ELOVL2: variants seen among roughly 807,000 people sequenced by gnomAD.
ELOVL2 encodes ELOVL fatty acid elongase 2.
In ELOVL2, 38 loss-of-function variants were observed where a neutral mutation model predicts 37.7. The ratio of observed to expected loss-of-function variants is 1.01; its 90% CI spans 0.78 to 1.32. The LOEUF is 1.32. ELOVL2 is among the 40% of genes most tolerant of loss of function. The pLI is 0.00. For missense variants in ELOVL2, 352 were observed against 363.6 expected (o/e 0.97, Z 0.26); for synonymous variants, 115 against 122.3 (o/e 0.94, Z 0.40).
rs865910414 is a variant in ELOVL2, at chr6:11,035,972, G to A, written c.3+8256C>T. On this transcript the variant is annotated intron_variant, in intron 1 of 7. Transcript: ENST00000354666. Reference sequence around the variant, plus strand: ...GAGGCAATGTATTTGCATGTCTCGAGAGCAATTTTAAAGAATATGTATTCA... The same window carrying A: ...GAGGCAATGTATTTGCATGTCTCGAAAGCAATTTTAAAGAATATGTATTCA... Among the ~76,000 whole-genome samples the A allele has an allele frequency of 7.9e-5, 12 of 152,300 alleles. 1 individual carries two copies. In the Middle Eastern group the frequency reaches 0.017, roughly 216 times the overall value.
chr6:11,010,962 A>G (rs1389629889), intron 1 of ELOVL2, among the ~76,000 whole-genome samples, 153 bp from the exon 2 acceptor site: 1 of 152,246 alleles, frequency 6.6e-6, no homozygotes, highest in Non-Finnish European at 1.5e-5. Context: ...GAAAGAGGAC[A>G]GTAAATGCAT....
At chr6:11,043,701 G>C (rs1200450775) in intron 1 of ELOVL2, 2 of 154,788 alleles carry the variant, frequency 1.3e-5, no homozygotes, top group Non-Finnish European at 2.9e-5. Context: ...GCGCGGTGAA[G>C]GGAGGAGAGG....
chr6:11,011,167 A>G (rs1782572744), intron 1 of ELOVL2, among the ~76,000 whole-genome samples: 1 of 152,104 alleles, frequency 6.6e-6, no homozygotes, highest in Non-Finnish European at 1.5e-5. Flanking sequence ...GATCGAGACC[A>G]TCCTGGCTAA....
intron 3 of ELOVL2, among the ~76,000 whole-genome samples, chr6:11,002,966 G>A (rs547867390): frequency 7.7e-4 from 118 of 152,302 alleles, no homozygotes; most frequent in Admixed American, 2.6e-3. Context: ...TTATAGATAA[G>A]TTGCCTAAGG....
In ELOVL2 at chr6:10,983,868, C is replaced by T. The variant is rs149258164; in HGVS notation, c.804G>A (p.Glu268=). The part of the protein sequence containing the change: ...RKKPMKKDMQ[E]PPAGKEVKNG... ...TCTTCACTTCTTTCCCTGCAGGTGGCTCTTGCATATCTTTCTTCATTGGCT... is the reference window on the plus strand; with the variant it reads ...TCTTCACTTCTTTCCCTGCAGGTGGTTCTTGCATATCTTTCTTCATTGGCT... Residue 268 remains glutamate (E), a synonymous_variant, in exon 8 of 8, where the codon GAG becomes GAA. Transcript: ENST00000354666. The T allele has an allele frequency of 4.6e-3, 7,358 of 1,613,804 alleles. 32 individuals carry two copies. The highest frequency in any genetic ancestry group is 6.3e-3 in the Admixed American group (380 of 59,966).
At chr6:11,036,201 G>A (rs1042043682) in intron 1 of ELOVL2, among the ~76,000 whole-genome samples, 1 of 152,216 alleles carries the variant, frequency 6.6e-6, no homozygotes, top group African/African-American at 2.4e-5. Flanking sequence ...TCATTTATGA[G>A]ATAGTAAACC....
chr6:10,994,536 G>GT (rs1782229447), intron 5 of ELOVL2, among the ~76,000 whole-genome samples: 1 of 151,280 alleles, frequency 6.6e-6, no homozygotes, highest in Non-Finnish European at 1.5e-5. Flanking sequence ...ATTTCTTATT[G>GT]TAATTCTGTT....
chr6:10,994,984 G>C (rs202213512), intron 5 of ELOVL2, 23 bp downstream of exon 5: 8 of 1,561,410 alleles, frequency 5.1e-6, no homozygotes, highest in Non-Finnish European at 8.7e-7. Flanking sequence ...CCTCAAAACG[G>C]AAAAATTAAC....
intron 2 of ELOVL2, among the ~76,000 whole-genome samples, chr6:11,006,809 A>G (rs1782490883): frequency 6.6e-6 from 1 of 152,238 alleles, no homozygotes; most frequent in Non-Finnish European, 1.5e-5. Flanking sequence ...ACCTGTCATA[A>G]GTCTGTGCTG....
At chr6:11,027,024 T>C (rs1332431497) in intron 1 of ELOVL2, among the ~76,000 whole-genome samples, 1 of 152,226 alleles carries the variant, frequency 6.6e-6, no homozygotes, top group Non-Finnish European at 1.5e-5. Context: ...GTAATCACCA[T>C]GTTTTTCGAT....
intron 1 of ELOVL2, among the ~76,000 whole-genome samples, chr6:11,025,217 C>T (rs1782822375): frequency 6.6e-6 from 1 of 152,138 alleles, no homozygotes; most frequent in Non-Finnish European, 1.5e-5. Context: ...CTCGGGTTCC[C>T]ACTCTCCATC....
In ELOVL2 at chr6:10,989,798, C is replaced by G; in HGVS notation, c.670G>C (p.Val224Leu). Residue 224 changes from valine to leucine, a missense_variant, in exon 7 of 8, where the codon GTC becomes CTC. Physicochemically the swap from Val to Leu is conservative, Grantham distance 32. Coordinates refer to ENST00000354666, the MANE Select transcript of ELOVL2 (RefSeq NM_017770.4). The part of the protein sequence containing the change: ...VLTITHTMSA[V>L]VKPCGFPFGC... ...AAGGGGAAGCCACACGGTTTCACGA[C>G]GGCGCTCATGGTGTGCGTGATGGTG... The G allele has an allele frequency of 1.2e-6, 2 of 1,614,044 alleles. No individual in the cohort carries two copies. Among genetic ancestry groups the G allele is most frequent in the East Asian group, 2.2e-5 (1 of 44,896 alleles).
intron 1 of ELOVL2, among the ~76,000 whole-genome samples, chr6:11,036,453 C>T (rs1049218678): frequency 6.6e-6 from 1 of 152,144 alleles, no homozygotes; most frequent in Non-Finnish European, 1.5e-5. Flanking sequence ...GGAAAGGGGG[C>T]ATTCTCTTCC....
chr6:11,038,976 C>G (rs560360399), intron 1 of ELOVL2, among the ~76,000 whole-genome samples: 90 of 152,034 alleles, frequency 5.9e-4, no homozygotes, highest in African/African-American at 2.0e-3. Context: ...ACATATCCAA[C>G]TGTGTGTGTG....
At chr6:11,012,200 G>GT (rs146519225) in intron 1 of ELOVL2, among the ~76,000 whole-genome samples, 8,399 of 152,100 alleles carry the variant, frequency 0.055, 751 homozygotes, top group African/African-American at 0.19. Flanking sequence ...AACATTGACT[G>GT]GCACCTACTA....
intron 1 of ELOVL2, among the ~76,000 whole-genome samples, chr6:11,028,065 C>T (rs1581879305): frequency 6.6e-6 from 1 of 152,238 alleles, no homozygotes; most frequent in South Asian, 2.1e-4. Context: ...AATGCCATTC[C>T]TCCAAATGGG....
Position 10,993,957 on chromosome 6 carries a change from C to T in ELOVL2, c.505+1050G>A, listed in dbSNP as rs527658638. ...CCTGAGCTCAAGCGATTTCGCCTGCCTTGGCCTCCTAAAGTGCTAGGATTA... is the reference window on the plus strand; with the variant it reads ...CCTGAGCTCAAGCGATTTCGCCTGCTTTGGCCTCCTAAAGTGCTAGGATTA... On this transcript the variant is annotated intron_variant, in intron 5 of 7. Transcript: ENST00000354666. Among the ~76,000 whole-genome samples the T allele has an allele frequency of 9.5e-5, 13 of 136,150 alleles. No homozygotes were observed. In the Admixed American group the frequency reaches 1.0e-3, roughly 11 times the overall value. 89.3% of individuals were successfully genotyped at this position (136,150 alleles called of 152,430 possible). A position where few individuals can be genotyped will look rare whatever the true frequency, so the allele number is the denominator to read the frequency against.
intron 1 of ELOVL2, among the ~76,000 whole-genome samples, chr6:11,040,396 C>G (rs1783080992): frequency 6.6e-6 from 1 of 151,982 alleles, no homozygotes; most frequent in African/African-American, 2.4e-5. Flanking sequence ...CTAGCCTGAA[C>G]TGAGATGCAC....
intron 1 of ELOVL2, chr6:11,015,577 T>TAAAA (rs1782670038): frequency 6.6e-6 from 1 of 152,440 alleles, no homozygotes; most frequent in Non-Finnish European, 1.5e-5. Flanking sequence ...CTATTGGCAA[T>TAAAA]AAATACACCA....
Sources: allele counts gnomAD v4.1 joint callset (sites outside exome capture counted in the v4.1 genomes callset), GRCh38; gene constraint gnomAD v4.1.1; transcripts MANE v1.5; gene names NCBI Gene and HGNC (gene_info 2026-07-23, HGNC 2026-07-21).